PCDH15: variants seen among roughly 807,000 people sequenced by gnomAD.
PCDH15 encodes the protein protocadherin-15.
PCDH15 carries 129 observed loss-of-function variants against 178.5 expected under a neutral mutation model. That is an observed-to-expected ratio of 0.72 (90% CI 0.63 to 0.84). The LOEUF (loss-of-function observed/expected upper bound fraction) is 0.84, where lower values mean the gene tolerates loss of function less well. Among genes scored for constraint, PCDH15 ranks in the 40% least tolerant of loss-of-function variants. The pLI is 0.00. For synonymous variants in PCDH15, 800 were observed against 732.0 expected, an observed-to-expected ratio of 1.09 and a Z score of -1.50; for missense variants, 2,230 against 2,099.9, an observed-to-expected ratio of 1.06 and a Z score of -1.21.
At chr10:54,022,813 T>A (rs1182902197) in intron 19 of PCDH15, 79 bp downstream of exon 19, 4 of 1,397,232 alleles carry the variant, frequency 2.9e-6, no homozygotes, top group African/African-American at 2.8e-5. Flanking sequence ...GTATTGTTAC[T>A]TGCTAATTTT....
At position 54,924,556 on chromosome 10, in the gene PCDH15, C is replaced by T. The variant is rs1179928979; in HGVS notation, c.-79-27056G>A. Among the ~76,000 whole-genome samples the T allele has an allele frequency of 2.3e-5, 2 of 88,232 alleles. 1 individual carries two copies. The highest frequency in any genetic ancestry group is 6.5e-5 in the Non-Finnish European group (2 of 30,614). The allele number at this position is 88,232 out of a possible 152,430, so 57.9% of individuals were successfully genotyped here. ...CAATGAATGAAAAAATTTACACTCC[C>T]CCCATAGCATATAAGTGTTCTTTTT... On this transcript the variant is annotated intron_variant, in intron 2 of 5. Transcript: ENST00000458638.
In PCDH15 at chr10:55,395,468, T is replaced by A. The variant is rs952424593; in HGVS notation, c.-155-228817A>T. Among the ~76,000 whole-genome samples, 4 of 152,070 alleles carry A rather than the reference T, an allele frequency of 2.6e-5. No homozygotes were observed. The East Asian group carries it at 7.7e-4, about 29-fold the overall frequency. Reference sequence around the variant, plus strand: ...GTTTACTGAAATGTGCTGAAATACATTGAAAATAAATTTTAAAGGTCACAA... The same window carrying A: ...GTTTACTGAAATGTGCTGAAATACAATGAAAATAAATTTTAAAGGTCACAA... On this transcript the variant is annotated intron_variant, in intron 2 of 5. Transcript: ENST00000613346.
At chr10:54,984,844 A>T (rs1441605243) in intron 2 of PCDH15, among the ~76,000 whole-genome samples, 1 of 152,128 alleles carries the variant, frequency 6.6e-6, no homozygotes, top group Non-Finnish European at 1.5e-5. Context: ...CTCCAAAAAA[A>T]TTTTTTTAAA....
intron 2 of PCDH15, among the ~76,000 whole-genome samples, chr10:55,554,095 C>T (rs1842046207): frequency 1.3e-5 from 2 of 151,956 alleles, no homozygotes; most frequent in South Asian, 4.1e-4. Flanking sequence ...TTCCCACTAC[C>T]TCTGTCCAGC....
chr10:55,111,525 TAC>T (rs780670470), intron 2 of PCDH15, among the ~76,000 whole-genome samples: 1 of 151,694 alleles, frequency 6.6e-6, no homozygotes, highest in Non-Finnish European at 1.5e-5. Flanking sequence ...AGTCCAGAGA[TAC>T]TATTTAAAAA....
At chr10:55,434,485 G>A (rs1589024244) in intron 2 of PCDH15, among the ~76,000 whole-genome samples, 1 of 151,802 alleles carries the variant, frequency 6.6e-6, no homozygotes, top group South Asian at 2.1e-4. Context: ...TCAAATTATG[G>A]GTTAAAATAG....
chr10:53,840,461 C>G lies in PCDH15; in HGVS notation c.3842G>C (p.Gly1281Ala). The G allele has an allele frequency of 6.2e-7, 1 of 1,614,034 alleles. No homozygotes were observed. The highest frequency in any genetic ancestry group is 1.7e-5 in the Admixed American group (1 of 60,022). The change falls in exon 29 of 38, where the codon GGT becomes GCT. Residue 1281 changes from glycine (G) to alanine (A), a missense_variant. Coordinates refer to ENST00000644397, the MANE Select transcript of PCDH15 (RefSeq NM_001384140.1). ...LDRYVQEQIPGAKVVVESIGA... is the reference protein window; with the variant it reads ...LDRYVQEQIPAAKVVVESIGA... ...AATGGACTCCACTACGACCTTGGCA[C>G]CAGGAATTTGTTCCTGAACATAGCG...
At chr10:53,873,402 A>G (rs1234115647) in intron 26 of PCDH15, among the ~76,000 whole-genome samples, 1 of 152,218 alleles carries the variant, frequency 6.6e-6, no homozygotes, top group Non-Finnish European at 1.5e-5. Context: ...AATTTGCCAG[A>G]TGCTATGTAA....
chr10:53,893,724 C>A (rs2081748198), intron 26 of PCDH15, among the ~76,000 whole-genome samples: 1 of 152,164 alleles, frequency 6.6e-6, no homozygotes, highest in South Asian at 2.1e-4. Flanking sequence ...ATGTTCTCAT[C>A]TGCAAGTGGG....
chr10:53,834,045 G>A (rs1221097675), intron 29 of PCDH15, among the ~76,000 whole-genome samples: 1 of 152,098 alleles, frequency 6.6e-6, no homozygotes, highest in Non-Finnish European at 1.5e-5. Context: ...TTATGCAAAT[G>A]TGGTTTCTCT....
At chr10:54,697,260 G>A (rs2095242191) in intron 1 of PCDH15, among the ~76,000 whole-genome samples, 1 of 151,740 alleles carries the variant, frequency 6.6e-6, no homozygotes. Flanking sequence ...ATATATACTT[G>A]ATAGTTTAAA....
chr10:54,350,781 G>A (rs1391982549), intron 5 of PCDH15, among the ~76,000 whole-genome samples: 1 of 152,144 alleles, frequency 6.6e-6, no homozygotes, highest in Non-Finnish European at 1.5e-5. Flanking sequence ...AAGTCTGAGA[G>A]TTTAAGAGTT....
chr10:55,404,320 A>G (rs1219233480), intron 2 of PCDH15, among the ~76,000 whole-genome samples: 2 of 152,048 alleles, frequency 1.3e-5, no homozygotes, highest in African/African-American at 4.8e-5. Context: ...GACCACAGAT[A>G]TTATGATTGA....
intron 2 of PCDH15, among the ~76,000 whole-genome samples, chr10:54,993,046 G>A (rs180801293): frequency 3.3e-5 from 5 of 152,236 alleles, no homozygotes; most frequent in African/African-American, 4.8e-5. Flanking sequence ...GATCTTGACT[G>A]TAGTATTGTA....
chr10:54,611,932 T>C (rs2092973297), intron 2 of PCDH15, among the ~76,000 whole-genome samples: 2 of 151,970 alleles, frequency 1.3e-5, no homozygotes, highest in South Asian at 4.1e-4. Flanking sequence ...ATGTTGTTCC[T>C]CTTCTATTGT....
At chr10:54,242,170 A>G (rs1167792856) in intron 8 of PCDH15, among the ~76,000 whole-genome samples, 8 of 118,376 alleles carry the variant, frequency 6.8e-5, no homozygotes, top group African/African-American at 2.8e-4. Flanking sequence ...ATATATATAT[A>G]TATATATATA....
intron 2 of PCDH15, among the ~76,000 whole-genome samples, chr10:55,492,706 G>C (rs144441661): frequency 6.6e-6 from 1 of 151,808 alleles, no homozygotes; most frequent in Admixed American, 6.6e-5. Context: ...GCAGGCAATA[G>C]GTATGGCCTT....
intron 14 of PCDH15, among the ~76,000 whole-genome samples, chr10:54,133,339 T>C (rs1440791801): frequency 1.3e-5 from 2 of 152,196 alleles, no homozygotes; most frequent in Non-Finnish European, 2.9e-5. Context: ...AATAGCAAAA[T>C]CATTCTATAA....
At chr10:54,039,467 A>G (rs1174622310) in intron 18 of PCDH15, among the ~76,000 whole-genome samples, 1 of 151,950 alleles carries the variant, frequency 6.6e-6, no homozygotes, top group Non-Finnish European at 1.5e-5. Context: ...AATCTAAGTT[A>G]CAGAGAATTG....
Sources: allele counts gnomAD v4.1 joint callset (sites outside exome capture counted in the v4.1 genomes callset), GRCh38; gene constraint gnomAD v4.1.1; transcripts MANE v1.5; gene names NCBI Gene and HGNC (gene_info 2026-07-23, HGNC 2026-07-21).